Variants in PAFAH1B1 observed in about 807,000 individuals in gnomAD.
The protein encoded by PAFAH1B1 is platelet activating factor acetylhydrolase 1b regulatory subunit 1.
PAFAH1B1 carries 2 observed loss-of-function variants against 57.5 expected under a neutral mutation model. The observed-to-expected ratio is 0.03, with a 90% confidence interval of 0.01 to 0.11. PAFAH1B1 has a LOEUF of 0.11. Ranked by LOEUF, PAFAH1B1 falls within the 10% of genes least tolerant of loss-of-function variation. The pLI, the probability that PAFAH1B1 is intolerant of heterozygous loss-of-function variation, is 1.00. For synonymous variants in PAFAH1B1, 152 were observed against 169.6 expected, an observed-to-expected ratio of 0.90 and a Z score of 0.81; for missense variants, 257 against 512.0, an observed-to-expected ratio of 0.50 and a Z score of 4.81.
intron 2 of PAFAH1B1, chr17:2,639,928 A>G (rs1014346965): frequency 3.3e-5 from 5 of 152,324 alleles, no homozygotes; most frequent in Middle Eastern, 3.4e-3. Flanking sequence ...TGGCTTTTCA[A>G]CAATTTTTAT....
chr17:2,652,587 G>A (rs763913044), intron 2 of PAFAH1B1, among the ~76,000 whole-genome samples: 2 of 152,140 alleles, frequency 1.3e-5, no homozygotes, highest in Non-Finnish European at 2.9e-5. Flanking sequence ...TATATATTTG[G>A]CATTGATTGG....
In PAFAH1B1 at chr17:2,653,674, G is replaced by A. The variant is rs541649656; in HGVS notation, c.33-11698G>A. Among the ~76,000 whole-genome samples the A allele has an allele frequency of 4.3e-4, 66 of 152,220 alleles. 1 individual carries two copies. The South Asian group carries it at 7.9e-3, about 18-fold the overall frequency. On this transcript the variant is annotated intron_variant, in intron 2 of 10. Transcript: ENST00000397195. ...ATAGGGCAACAAAAACAAAGTACAC[G>A]AATGAATTTGGATAGTAAGGTTGAA... is the stretch of plus-strand genomic sequence containing the variant.
At chr17:2,625,104 T>C (rs1597529756) in intron 1 of PAFAH1B1, among the ~76,000 whole-genome samples, 1 of 152,134 alleles carries the variant, frequency 6.6e-6, no homozygotes, top group Non-Finnish European at 1.5e-5. Context: ...TTGTCTTAGA[T>C]GCTGCATTGG....
chr17:2,625,524 G>C (rs1159068508), intron 1 of PAFAH1B1, among the ~76,000 whole-genome samples: 1 of 152,126 alleles, frequency 6.6e-6, no homozygotes, highest in East Asian at 1.9e-4. Context: ...TCTATACCAG[G>C]TAGTATGAAA....
intron 7 of PAFAH1B1, chr17:2,673,719 CTTGATTTTTG>C (rs2069216878): frequency 3.7e-6 from 1 of 271,918 alleles, no homozygotes; most frequent in Non-Finnish European, 7.2e-6. Flanking sequence ...TAGAATTACA[CTTGATTTTTG>C]TAGTACAAAG....
intron 4 of PAFAH1B1, among the ~76,000 whole-genome samples, chr17:2,666,328 T>C (rs1260710800): frequency 6.6e-6 from 1 of 152,228 alleles, no homozygotes; most frequent in Non-Finnish European, 1.5e-5. Context: ...GAGGAATTGA[T>C]ACTGAAAGAA....
At chr17:2,661,679 C>T (rs1473721264) in intron 2 of PAFAH1B1, among the ~76,000 whole-genome samples, 3 of 152,106 alleles carry the variant, frequency 2.0e-5, no homozygotes, top group Admixed American at 6.6e-5. Context: ...AGTAAGAAAA[C>T]ATCTCAGTTC....
intron 2 of PAFAH1B1, among the ~76,000 whole-genome samples, chr17:2,660,536 G>A (rs978809883): frequency 2.0e-4 from 31 of 152,138 alleles, no homozygotes; most frequent in African/African-American, 7.5e-4. Context: ...AGTCTGCTGA[G>A]GATGGTGGCT....
intron 1 of PAFAH1B1, chr17:2,613,804 G>A (rs974986853): frequency 1.7e-5 from 5 of 290,600 alleles, no homozygotes; most frequent in South Asian, 4.3e-5. Flanking sequence ...TCCTGATGCC[G>A]GGCGAGCATC....
At chr17:2,594,132 C>G (rs1380186545) in intron 1 of PAFAH1B1, 126 bp downstream of exon 1, 2 of 395,918 alleles carry the variant, frequency 5.1e-6, no homozygotes, top group Non-Finnish European at 8.9e-6. Context: ...TCCCCTCCCC[C>G]TGCCTCCGCC....
At chr17:2,630,168 T>G (rs1406551870) in intron 1 of PAFAH1B1, among the ~76,000 whole-genome samples, 1 of 152,160 alleles carries the variant, frequency 6.6e-6, no homozygotes, top group Non-Finnish European at 1.5e-5. Context: ...TGTTTTTTGC[T>G]TTTGCTTTTT....
chr17:2,621,301 C>T (rs1334968331), intron 1 of PAFAH1B1, among the ~76,000 whole-genome samples: 1 of 152,100 alleles, frequency 6.6e-6, no homozygotes, highest in Non-Finnish European at 1.5e-5. Context: ...ATTTAGCTCC[C>T]GCTTGTAAGT....
At chr17:2,649,867 T>TA (rs1327689458) in intron 2 of PAFAH1B1, among the ~76,000 whole-genome samples, 1 of 152,054 alleles carries the variant, frequency 6.6e-6, no homozygotes, top group Non-Finnish European at 1.5e-5. Context: ...GACAAATAGG[T>TA]TAGGGGAACA....
chr17:2,677,606 G>A (rs1332761082), intron 9 of PAFAH1B1, among the ~76,000 whole-genome samples: 2 of 152,142 alleles, frequency 1.3e-5, no homozygotes, highest in South Asian at 2.1e-4. Flanking sequence ...TGTAATCCCC[G>A]CACTTTGGGA....
intron 2 of PAFAH1B1, among the ~76,000 whole-genome samples, chr17:2,652,922 A>G (rs1315622106): frequency 6.6e-6 from 1 of 152,200 alleles, no homozygotes; most frequent in Admixed American, 6.5e-5. Context: ...TACTGGGTAT[A>G]TATACCCAAA....
chr17:2,670,915 CAG>C (rs2069172633), intron 6 of PAFAH1B1, among the ~76,000 whole-genome samples: 1 of 152,052 alleles, frequency 6.6e-6, no homozygotes, highest in Non-Finnish European at 1.5e-5. Context: ...GTAATAATAC[CAG>C]AGTCATAGAG....
At chr17:2,597,007 G>T (rs2068090125) in intron 1 of PAFAH1B1, among the ~76,000 whole-genome samples, 1 of 152,164 alleles carries the variant, frequency 6.6e-6, no homozygotes. Context: ...GTTGCAGTGA[G>T]CCGAGATCGT....
intron 1 of PAFAH1B1, among the ~76,000 whole-genome samples, chr17:2,598,923 G>A (rs549947018): frequency 6.6e-6 from 1 of 152,296 alleles, no homozygotes; most frequent in South Asian, 2.1e-4. Flanking sequence ...ACCTTGGCAT[G>A]GCAGTCATAG....
chr17:2,684,309 TCTGA>T lies in PAFAH1B1; in HGVS notation c.*2511_*2514del, dbSNP rs1417796116. ...CTGACACTGTCCTGTTGATGCCCTT[TCTGA>T]CTGTGTTCTCTGTTTTCTCTGTCTG... On this transcript the variant is annotated 3_prime_UTR_variant, in exon 11 of 11. Coordinates refer to ENST00000397195, the MANE Select transcript of PAFAH1B1 (RefSeq NM_000430.4). 1 of 152,808 alleles carries T rather than the reference TCTGA, an allele frequency of 6.5e-6. No homozygotes were observed. The highest frequency in any genetic ancestry group is 1.5e-5 in the Non-Finnish European group (1 of 68,154). 9.5% of individuals were successfully genotyped at this position (152,808 alleles called of 1,614,324 possible). A position where few individuals can be genotyped will look rare whatever the true frequency, so the allele number is the denominator to read the frequency against.
Sources: allele counts gnomAD v4.1 joint callset (sites outside exome capture counted in the v4.1 genomes callset), GRCh38; gene constraint gnomAD v4.1.1; transcripts MANE v1.5; gene names NCBI Gene and HGNC (gene_info 2026-07-23, HGNC 2026-07-21).